DCDC1: variants seen among roughly 807,000 people sequenced by gnomAD.
The protein encoded by DCDC1 is doublecortin domain-containing protein 1.
DCDC1 carries 200 observed loss-of-function variants against 178.3 expected under a neutral mutation model. The observed-to-expected ratio is 1.12, with a 90% CI of 1.00 to 1.26. The LOEUF (loss-of-function observed/expected upper bound fraction) is 1.26, where lower values mean the gene tolerates loss of function less well. Among genes scored for constraint, DCDC1 ranks in the 50% most tolerant of loss-of-function variants. The probability of loss-of-function intolerance (pLI) is 0.00; values close to 1 mark genes in which losing one functional copy is unlikely to be tolerated. For synonymous variants in DCDC1, 690 were observed against 604.8 expected, an observed-to-expected ratio of 1.14 and a Z score of -2.07; for missense variants, 1,983 against 1,749.2, an observed-to-expected ratio of 1.13 and a Z score of -2.38.
chr11:31,268,617 T>A (rs1332527547), intron 7 of DCDC1, among the ~76,000 whole-genome samples: 1 of 152,212 alleles, frequency 6.6e-6, no homozygotes, highest in Non-Finnish European at 1.5e-5. Context: ...CTTTATCCAA[T>A]CCACTGCTGA....
intron 11 of DCDC1, among the ~76,000 whole-genome samples, chr11:31,111,287 T>C (rs1428713482): frequency 6.6e-6 from 1 of 150,556 alleles, no homozygotes; most frequent in Middle Eastern, 3.4e-3. Context: ...AATATTTATT[T>C]AAAAATGAAA....
chr11:30,987,965 A>G (rs1039025956), intron 20 of DCDC1, among the ~76,000 whole-genome samples: 4 of 152,188 alleles, frequency 2.6e-5, no homozygotes, highest in African/African-American at 9.6e-5. Context: ...AAGCAGAAAG[A>G]AAGCTGGGAG....
At position 31,244,961 on chromosome 11, in the gene DCDC1, T is replaced by C. The variant is rs549298224; in HGVS notation, c.1055-3345A>G. On this transcript the variant is annotated intron_variant, in intron 8 of 38. Transcript: ENST00000684477. The stretch of plus-strand genomic sequence containing the variant: ...CAGAGCTGGTAGTGAGCATCATAGG[T>C]AAACAGATTATATAACCAAAACTAG... 4.0e-5 allele frequency among the ~76,000 whole-genome samples: 6 copies of C among 151,820 alleles called. No individual in the cohort carries two copies. The South Asian group carries it at 1.2e-3, about 31-fold the overall frequency.
intron 20 of DCDC1, among the ~76,000 whole-genome samples, chr11:30,969,096 G>C (rs1949635456): frequency 6.6e-6 from 1 of 152,020 alleles, no homozygotes; most frequent in South Asian, 2.1e-4. Flanking sequence ...ACAAAACAAA[G>C]AGTTGATATG....
In DCDC1 at chr11:31,306,294, T is replaced by C. The variant is rs765028036; in HGVS notation, c.529A>G (p.Thr177Ala). The change falls in exon 5 of 39, where the codon ACA becomes GCA. Residue 177 changes from threonine (T) to alanine (A), a missense_variant. Coordinates refer to ENST00000684477, the MANE Select transcript of DCDC1 (RefSeq NM_001387274.1). ...GTTCTAGATCCATTTTTGTAAGCTG[T>C]TACTTTAATCACTCTTGGTTGAAGT... ...HKLQPRVIKV[T>A]AYKNGSRTVF... The C allele has an allele frequency of 1.2e-6, 2 of 1,611,028 alleles. No individual in the cohort carries two copies. Among genetic ancestry groups the C allele is most frequent in the Non-Finnish European group, 1.7e-6 (2 of 1,178,432 alleles).
chr11:31,306,466 T>C (rs1948466593), intron 4 of DCDC1, 78 bp from the exon 5 acceptor site: 1 of 1,419,570 alleles, frequency 7.0e-7, no homozygotes, highest in South Asian at 1.6e-5. Context: ...CCTGGATTTT[T>C]TTAAACAGAT....
At chr11:30,956,948 A>AATG in intron 20 of DCDC1, among the ~76,000 whole-genome samples, 1 of 152,206 alleles carries the variant, frequency 6.6e-6, no homozygotes, top group East Asian at 1.9e-4. Flanking sequence ...CCCATTTCTC[A>AATG]ATGTCTGCTG....
At chr11:31,301,044 T>C (rs1049443801) in intron 6 of DCDC1, among the ~76,000 whole-genome samples, 1 of 152,234 alleles carries the variant, frequency 6.6e-6, no homozygotes, top group South Asian at 2.1e-4. Context: ...CTATTTTATA[T>C]ACCAAGGATA....
intron 1 of DCDC1, among the ~76,000 whole-genome samples, chr11:31,362,359 A>C (rs1951751094): frequency 6.6e-6 from 1 of 152,222 alleles, no homozygotes; most frequent in African/African-American, 2.4e-5. Flanking sequence ...TTTTTTAAAA[A>C]AACATACAGT....
At chr11:31,170,373 T>G (rs1444202241) in intron 9 of DCDC1, among the ~76,000 whole-genome samples, 1 of 152,226 alleles carries the variant, frequency 6.6e-6, no homozygotes, top group African/African-American at 2.4e-5. Flanking sequence ...AAACTAGATC[T>G]GCTGGTTCTA....
intron 27 of DCDC1, among the ~76,000 whole-genome samples, chr11:30,913,515 A>G (rs1433641682): frequency 6.6e-6 from 1 of 152,038 alleles, no homozygotes; most frequent in Admixed American, 6.6e-5. Context: ...CTGATGCTCC[A>G]CCTCTTCTCT....
At chr11:31,251,538 A>C (rs1383885099) in intron 8 of DCDC1, among the ~76,000 whole-genome samples, 3 of 152,086 alleles carry the variant, frequency 2.0e-5, no homozygotes, top group African/African-American at 7.3e-5. Context: ...CTTGCCAACT[A>C]TAGAGCTTGA....
At chr11:31,016,955 C>T (rs1952516271) in intron 20 of DCDC1, among the ~76,000 whole-genome samples, 1 of 152,176 alleles carries the variant, frequency 6.6e-6, no homozygotes, top group African/African-American at 2.4e-5. Context: ...AAATGCTCTG[C>T]TGTAAAACTT....
chr11:31,218,630 A>T (rs549769299), intron 9 of DCDC1, among the ~76,000 whole-genome samples: 11 of 152,204 alleles, frequency 7.2e-5, no homozygotes, highest in Non-Finnish European at 1.5e-4. Context: ...ATATACTTTT[A>T]TAAAAGAAAA....
chr11:30,897,607 T>G (rs966184824), intron 34 of DCDC1, among the ~76,000 whole-genome samples: 3 of 128,382 alleles, frequency 2.3e-5, no homozygotes, highest in African/African-American at 8.2e-5. Flanking sequence ...AAAAAAAAAT[T>G]GAATACTTAA....
intron 20 of DCDC1, among the ~76,000 whole-genome samples, chr11:30,967,689 A>T (rs1949516543): frequency 6.6e-6 from 1 of 152,172 alleles, no homozygotes; most frequent in Non-Finnish European, 1.5e-5. Flanking sequence ...AGAGATTAGA[A>T]CTTATAAGGA....
chr11:30,996,228 A>G (rs1233439404), intron 20 of DCDC1, among the ~76,000 whole-genome samples: 1 of 152,182 alleles, frequency 6.6e-6, no homozygotes, highest in East Asian at 1.9e-4. Flanking sequence ...CCACACATCT[A>G]TTAGAATGGC....
At position 30,949,777 on chromosome 11, in the gene DCDC1, T is replaced by C. The variant is rs192765534; in HGVS notation, c.2715+2668A>G. Among the ~76,000 whole-genome samples, 1,240 of 151,658 alleles carry C rather than the reference T, an allele frequency of 8.2e-3. 20 individuals carry two copies. The highest frequency in any genetic ancestry group is 0.029 in the African/African-American group (1,179 of 41,240). ...AGAACAGAAAACCAAACACCGTATG[T>C]TCTCACTCATAAGTGGGAGTTGAAC... On this transcript the variant is annotated intron_variant, in intron 21 of 38. Transcript: ENST00000684477.
At chr11:31,331,964 C>G (rs1565621012) in intron 2 of DCDC1, among the ~76,000 whole-genome samples, 1 of 152,132 alleles carries the variant, frequency 6.6e-6, no homozygotes, top group African/African-American at 2.4e-5. Flanking sequence ...GTACCAGCTC[C>G]TCCTTGTACC....
Sources: allele counts gnomAD v4.1 joint callset (sites outside exome capture counted in the v4.1 genomes callset), GRCh38; gene constraint gnomAD v4.1.1; transcripts MANE v1.5; gene names NCBI Gene and HGNC (gene_info 2026-07-23, HGNC 2026-07-21).